WRAP53: variants seen among roughly 807,000 people sequenced by gnomAD.
WRAP53 encodes WD repeat containing antisense to TP53.
A neutral mutation model predicts 56.6 loss-of-function variants in WRAP53; 28 were observed. That is an observed-to-expected ratio of 0.50 (90% CI 0.37 to 0.68). WRAP53 has a LOEUF of 0.68. Ranked by LOEUF, WRAP53 falls within the 30% of genes least tolerant of loss-of-function variation. The pLI, the probability that WRAP53 is intolerant of heterozygous loss-of-function variation, is 0.00. For missense variants in WRAP53, 671 were observed against 715.5 expected (o/e 0.94, Z 0.71); for synonymous variants, 283 against 283.4 (o/e 1.00, Z 0.01).
intron 4 of WRAP53, among the ~76,000 whole-genome samples, chr17:7,698,645 G>A (rs1883865699): frequency 1.3e-5 from 2 of 152,050 alleles, no homozygotes; most frequent in African/African-American, 4.8e-5. Context: ...GGGAGACTGA[G>A]GTGGGTGGAT....
intron 4 of WRAP53, among the ~76,000 whole-genome samples, chr17:7,699,848 C>G (rs2074251263): frequency 6.6e-6 from 1 of 151,406 alleles, no homozygotes; most frequent in African/African-American, 2.4e-5. Context: ...AATTCTCATG[C>G]CTCAGCCTCC....
At chr17:7,691,928 C>T (rs986119104) in intron 4 of WRAP53, among the ~76,000 whole-genome samples, 1 of 151,986 alleles carries the variant, frequency 6.6e-6, no homozygotes, top group Non-Finnish European at 1.5e-5. Context: ...CCTCCGCCTC[C>T]CAGGTTTAAG....
chr17:7,692,628 A>AG (rs2074127771), intron 4 of WRAP53, among the ~76,000 whole-genome samples: 1 of 150,904 alleles, frequency 6.6e-6, no homozygotes, highest in Non-Finnish European at 1.5e-5. Flanking sequence ...CTCAAAAAAA[A>AG]AAAAAAAAAA....
chr17:7,691,577 G>A (rs1033125175), intron 4 of WRAP53, among the ~76,000 whole-genome samples: 4 of 151,764 alleles, frequency 2.6e-5, no homozygotes, highest in Admixed American at 2.6e-4. Flanking sequence ...TTTTTAAATA[G>A]AGACGGGGTT....
intron 4 of WRAP53, among the ~76,000 whole-genome samples, chr17:7,692,770 T>TTTTTA (rs2074130776): frequency 7.2e-6 from 1 of 139,202 alleles, no homozygotes; most frequent in Non-Finnish European, 1.6e-5. Context: ...TTTTTTTTTT[T>TTTTTA]GAGACAGAGT....
intron 4 of WRAP53, among the ~76,000 whole-genome samples, chr17:7,692,734 T>C (rs111774487): frequency 2.2e-4 from 33 of 148,728 alleles, no homozygotes; most frequent in African/African-American, 8.0e-4. Context: ...AATGTCCTCT[T>C]GGGTCATTCT....
intron 4 of WRAP53, among the ~76,000 whole-genome samples, chr17:7,699,502 T>TATTTA (rs1567577549): frequency 0.029 from 342 of 11,706 alleles, 25 homozygotes; most frequent in Admixed American, 0.041. Flanking sequence ...ATATATATAT[T>TATTTA]TATATATATA....
intron 4 of WRAP53, among the ~76,000 whole-genome samples, chr17:7,696,450 C>T (rs1297682123): frequency 6.6e-6 from 1 of 152,068 alleles, no homozygotes; most frequent in African/African-American, 2.4e-5. Flanking sequence ...AGGCGCCCGC[C>T]ACCACGCCTG....
At chr17:7,700,892 GA>G in intron 5 of WRAP53, 63 bp downstream of exon 5, 1 of 1,255,800 alleles carries the variant, frequency 8.0e-7, no homozygotes, top group Non-Finnish European at 1.2e-6. Flanking sequence ...GGCCTCTTGG[GA>G]GAGTCAAGGG....
chr17:7,688,702 G>A lies in WRAP53; in HGVS notation c.54G>A (p.Gln18=). ...CTCCGGACTGCTGTCCTTCAGACCA[G>A]GACCCAGCTCCAGCCCATCCTTCTC... ...PLAPDCCPSD[Q]DPAPAHPSPH... The change falls in exon 2 of 11, where the codon CAG becomes CAA. Residue 18 remains glutamine (Q), a synonymous_variant. Transcript: ENST00000396463. The A allele has an allele frequency of 1.9e-6, 3 of 1,614,180 alleles. No individual in the cohort carries two copies. The highest frequency in any genetic ancestry group is 2.5e-6 in the Non-Finnish European group (3 of 1,180,036).
intron 4 of WRAP53, among the ~76,000 whole-genome samples, chr17:7,697,660 A>G (rs1351691025): frequency 5.3e-5 from 8 of 152,216 alleles, no homozygotes; most frequent in Non-Finnish European, 2.9e-5. Context: ...CTCTGTCTCA[A>G]AAAGAAAAAA....
upstream of WRAP53, chr17:7,686,983 G>A (rs772817908): frequency 1.1e-4 from 24 of 211,978 alleles, no homozygotes; most frequent in Non-Finnish European, 1.9e-4. Context: ...AAAATATACA[G>A]CTATGAGTTC....
At chr17:7,698,238 C>T (rs1423455763) in intron 4 of WRAP53, among the ~76,000 whole-genome samples, 2 of 152,148 alleles carry the variant, frequency 1.3e-5, no homozygotes, top group Non-Finnish European at 2.9e-5. Flanking sequence ...AACCCTTCTA[C>T]ATGTGTACAG....
At chr17:7,686,710 A>C (rs1240075736), upstream of WRAP53, 1 of 152,286 alleles carries the variant, frequency 6.6e-6, no homozygotes, top group Non-Finnish European at 1.5e-5. Flanking sequence ...AAACAATAAC[A>C]GGGCTGCCGG....
In WRAP53 at chr17:7,702,266, G is replaced by A. The variant is rs766656480; in HGVS notation, c.956-78G>A. 16 of 1,498,102 alleles carry A rather than the reference G, an allele frequency of 1.1e-5. No individual in the cohort carries two copies. Among genetic ancestry groups the A allele is most frequent in the Non-Finnish European group, 1.5e-5 (16 of 1,075,944 alleles). The allele number at this position is 1,498,102 out of a possible 1,614,324, so 92.8% of individuals were successfully genotyped here. On this transcript the variant is annotated intron_variant, in intron 7 of 10. Transcript: ENST00000396463. This position sits in a 1 kb window ranked among gnomAD's most constrained non-coding sequence, Gnocchi z 5.0. ...AGTCCAAGCATGTTGGTGCTGGGAC[G>A]GGAGACAGACCTCTGCTTAGCCTGG...
intron 4 of WRAP53, among the ~76,000 whole-genome samples, chr17:7,699,591 G>A (rs919528012): frequency 7.4e-6 from 1 of 134,238 alleles, no homozygotes; most frequent in African/African-American, 2.7e-5. Context: ...TTACCTCTGA[G>A]GGAGAGTTTC....
rs372757806 is a variant in WRAP53 at position 7,701,509 on chromosome 17, C to T, written c.782C>T (p.Thr261Ile). 22 of 1,614,138 alleles carry T rather than the reference C, an allele frequency of 1.4e-5. No individual in the cohort carries two copies. The highest frequency in any genetic ancestry group is 5.3e-5 in the African/African-American group (4 of 74,944). Residue 261 changes from threonine (T) to isoleucine (I), a missense_variant, in exon 6 of 11, where the codon ACT becomes ATT. Thr to Ile is a moderately conservative substitution (Grantham distance 89, BLOSUM62 -1). Coordinates refer to ENST00000396463, the MANE Select transcript of WRAP53 (RefSeq NM_001143992.2). This position sits in a 1 kb window ranked among gnomAD's most constrained non-coding sequence, Gnocchi z 4.2. ...ENPIHIWDAF[T>I]GELRASFRAY... The stretch of plus-strand genomic sequence containing the variant: ...CCGATTCATATCTGGGACGCATTCA[C>T]TGGAGAGCTCCGGGCTTCCTTTCGC...
chr17:7,690,817 C>G (rs2074097837), intron 4 of WRAP53, among the ~76,000 whole-genome samples: 1 of 152,146 alleles, frequency 6.6e-6, no homozygotes, highest in Non-Finnish European at 1.5e-5. Context: ...GTGGCTGAGG[C>G]AGGAGAATCT....
In WRAP53 at chr17:7,702,599, G is replaced by A. The variant is rs1324435143; in HGVS notation, c.1164+47G>A. ...CCCAAAGCAGCTGGGCAGCGGGGCA[G>A]GAGCAGGGATGTAGTCTGCAGTGTA... On this transcript the variant is annotated intron_variant, in intron 8 of 10. Coordinates refer to ENST00000396463, the MANE Select transcript of WRAP53 (RefSeq NM_001143992.2). This position sits in a 1 kb window ranked among gnomAD's most constrained non-coding sequence, Gnocchi z 5.0. 12 of 1,597,630 alleles carry A rather than the reference G, an allele frequency of 7.5e-6. No homozygotes were observed. The highest frequency in any genetic ancestry group is 1.0e-5 in the Non-Finnish European group (12 of 1,176,620).
Sources: gnomAD v4.1 joint callset for allele counts (sites outside exome capture counted in the v4.1 genomes callset) on GRCh38, gnomAD v4.1.1 for gene constraint, Gnocchi (gnomAD v3.1) non-coding constraint, MANE v1.5 for transcripts, NCBI Gene and HGNC (gene_info 2026-07-23, HGNC 2026-07-21) for gene names.